LINGO2: variants seen among roughly 807,000 people sequenced by gnomAD.
The protein encoded by LINGO2 is leucine-rich repeat and immunoglobulin-like domain-containing nogo receptor-interacting protein 2.
A neutral mutation model predicts 30.6 loss-of-function variants in LINGO2; 14 were observed. The observed-to-expected ratio is 0.46, with a 90% CI of 0.30 to 0.72. The LOEUF is 0.72. Among genes scored for constraint, LINGO2 ranks in the 30% least tolerant of loss-of-function variants. The pLI is 0.07. For synonymous variants in LINGO2, 317 were observed against 288.5 expected (o/e 1.10, Z -1.00); for missense variants, 729 against 751.7 (o/e 0.97, Z 0.35).
At chr9:28,922,841 G>A in the LINGO2 span, among the ~76,000 whole-genome samples, 3 of 152,164 alleles carry the variant, frequency 2.0e-5, no homozygotes, top group East Asian at 5.8e-4. Context: ...AATGTTATAT[G>A]TCAAAAAGTA....
intron 2 of LINGO2, among the ~76,000 whole-genome samples, chr9:28,442,029 T>C (rs1824219078): frequency 6.6e-6 from 1 of 152,120 alleles, no homozygotes; most frequent in Non-Finnish European, 1.5e-5. Context: ...CCAAGGGCAG[T>C]GTATTTGCAA....
At chr9:28,675,778 G>A in the LINGO2 span, among the ~76,000 whole-genome samples, 1 of 150,936 alleles carries the variant, frequency 6.6e-6, no homozygotes, top group African/African-American at 2.4e-5. Flanking sequence ...GGCTGAGGCA[G>A]GAGAATTGCT....
chr9:28,947,362 T>A, the LINGO2 span, among the ~76,000 whole-genome samples: 2 of 152,128 alleles, frequency 1.3e-5, no homozygotes, highest in Non-Finnish European at 2.9e-5. Flanking sequence ...CAAATCACTC[T>A]TGAGCCATTT....
intron 4 of LINGO2, among the ~76,000 whole-genome samples, chr9:28,097,230 G>A (rs534289555): frequency 1.1e-3 from 165 of 152,252 alleles, no homozygotes; most frequent in African/African-American, 3.7e-3. Context: ...CTTTTACACT[G>A]TTGGTGGGAC....
At chr9:28,706,107 C>T in the LINGO2 span, among the ~76,000 whole-genome samples, 4 of 152,068 alleles carry the variant, frequency 2.6e-5, no homozygotes, top group Admixed American at 2.0e-4. Flanking sequence ...TAACCTCACG[C>T]TAGGAAGCAT....
At chr9:29,208,601 A>G in the LINGO2 span, among the ~76,000 whole-genome samples, 27 of 152,222 alleles carry the variant, frequency 1.8e-4, 1 homozygote, top group East Asian at 5.0e-3. Context: ...CTTTAAATAT[A>G]TTTTATTTAT....
intron 3 of LINGO2, among the ~76,000 whole-genome samples, chr9:28,308,413 C>T (rs1824460870): frequency 7.1e-6 from 1 of 140,084 alleles, no homozygotes; most frequent in Non-Finnish European, 1.6e-5. Flanking sequence ...TTCCTTACAC[C>T]TTATACAAAA....
the LINGO2 span, among the ~76,000 whole-genome samples, chr9:28,750,612 T>C: frequency 7.2e-5 from 11 of 152,144 alleles, no homozygotes; most frequent in African/African-American, 2.7e-4. Flanking sequence ...AATTTATACT[T>C]GAAAAAAATT....
chr9:28,263,526 G>A (rs1474736255), intron 4 of LINGO2, among the ~76,000 whole-genome samples: 1 of 151,920 alleles, frequency 6.6e-6, no homozygotes, highest in Non-Finnish European at 1.5e-5. Flanking sequence ...TTGCCTATCT[G>A]ACCTAAAATA....
At chr9:28,368,594 C>CTTTTTTTT (rs60310040) in intron 3 of LINGO2, among the ~76,000 whole-genome samples, 5 of 123,602 alleles carry the variant, frequency 4.0e-5, no homozygotes, top group Admixed American at 1.6e-4. Context: ...CTTTTCTTTT[C>CTTTTTTTT]TTTTTTTTTT....
At chr9:28,902,041 A>G in the LINGO2 span, among the ~76,000 whole-genome samples, 1 of 152,146 alleles carries the variant, frequency 6.6e-6, no homozygotes, top group Non-Finnish European at 1.5e-5. Flanking sequence ...AATAATAACA[A>G]TAATAATAAT....
intron 1 of LINGO2, among the ~76,000 whole-genome samples, chr9:28,506,409 TATATATATATATACACACAC>T (rs1436659559): frequency 1.2e-4 from 9 of 74,210 alleles, no homozygotes; most frequent in African/African-American, 1.6e-4. Flanking sequence ...CATATATATA[TATATATATATATACACACAC>T]ACACACACAC....
chr9:28,386,912 A>C (rs1026358783), intron 2 of LINGO2, among the ~76,000 whole-genome samples: 18 of 152,202 alleles, frequency 1.2e-4, no homozygotes, highest in African/African-American at 4.3e-4. Flanking sequence ...TTTAAAATTA[A>C]GTATTGAAGA....
rs146397745 is a variant in LINGO2 at position 28,446,806 on chromosome 9, T to C, written c.-279+29134A>G. Among the ~76,000 whole-genome samples, 179 of 152,306 alleles carry C rather than the reference T, an allele frequency of 1.2e-3. 2 individuals carry two copies. The highest frequency in any genetic ancestry group is 4.1e-3 in the African/African-American group (172 of 41,586). ...AACAAACAAAATACAAGTAAGCAAA[T>C]AGGCTTTCTGCCTTCCCATTCCCTT... is the stretch of plus-strand genomic sequence containing the variant. On this transcript the variant is annotated intron_variant, in intron 2 of 5. Transcript: ENST00000379992.
the LINGO2 span, among the ~76,000 whole-genome samples, chr9:28,846,285 C>G: frequency 6.6e-6 from 1 of 151,622 alleles, no homozygotes; most frequent in African/African-American, 2.4e-5. Flanking sequence ...CCTCTTGCCT[C>G]AAGTTGCAGT....
At chr9:28,312,940 A>T (rs1248682900) in intron 3 of LINGO2, among the ~76,000 whole-genome samples, 1 of 152,170 alleles carries the variant, frequency 6.6e-6, no homozygotes, top group Non-Finnish European at 1.5e-5. Flanking sequence ...TATTACATTA[A>T]ATGTCATGAA....
chr9:29,139,474 C>T, the LINGO2 span, among the ~76,000 whole-genome samples: 17 of 152,088 alleles, frequency 1.1e-4, no homozygotes, highest in Non-Finnish European at 1.8e-4. Context: ...CTATTTTCCA[C>T]TTTGTTAACA....
chr9:28,096,506 A>G (rs1344817276), intron 4 of LINGO2, among the ~76,000 whole-genome samples: 1 of 152,210 alleles, frequency 6.6e-6, no homozygotes, highest in Admixed American at 6.5e-5. Context: ...CTTGGCTAGA[A>G]GTGGTTAAAT....
At chr9:28,028,298 CAT>C (rs1313105958) in intron 4 of LINGO2, among the ~76,000 whole-genome samples, 5 of 152,130 alleles carry the variant, frequency 3.3e-5, no homozygotes, top group African/African-American at 4.8e-5. Context: ...GCAATGCCAT[CAT>C]ATAAAATCTT....
Sources: allele counts gnomAD v4.1 joint callset (sites outside exome capture counted in the v4.1 genomes callset), GRCh38; gene constraint gnomAD v4.1.1; transcripts MANE v1.5; gene names NCBI Gene and HGNC (gene_info 2026-07-23, HGNC 2026-07-21).